PRKG1: variants seen among roughly 807,000 people sequenced by gnomAD.
PRKG1 encodes protein kinase cGMP-dependent 1, also known as cGMP-dependent protein kinase 1.
A neutral mutation model predicts 88.1 loss-of-function variants in PRKG1; 35 were observed. That is an observed-to-expected ratio of 0.40 (90% CI 0.30 to 0.53). The LOEUF is 0.53. Ranked by LOEUF, PRKG1 falls within the 20% of genes least tolerant of loss-of-function variation. The pLI, the probability that PRKG1 is intolerant of heterozygous loss-of-function variation, is 0.59. For missense variants in PRKG1, 540 were observed against 839.8 expected (o/e 0.64, Z 4.41); for synonymous variants, 303 against 292.5 (o/e 1.04, Z -0.37).
At chr10:52,076,048 G>A (rs1450689994) in intron 7 of PRKG1, among the ~76,000 whole-genome samples, 1 of 152,090 alleles carries the variant, frequency 6.6e-6, no homozygotes, top group Admixed American at 6.6e-5. Context: ...CTTAAGAAAG[G>A]TCAGATTTTC....
At chr10:51,006,443 G>T (rs1231808331) in intron 1 of PRKG1, among the ~76,000 whole-genome samples, 1 of 152,122 alleles carries the variant, frequency 6.6e-6, no homozygotes, top group Non-Finnish European at 1.5e-5. Flanking sequence ...AGCTCTCATT[G>T]TTATCATTTA....
intron 16 of PRKG1, 98 bp downstream of exon 16, chr10:52,289,091 A>G: frequency 8.5e-7 from 1 of 1,178,158 alleles, no homozygotes; most frequent in Non-Finnish European, 1.2e-6. Flanking sequence ...ATTAGCCTAT[A>G]GGAACATCCA....
At chr10:51,308,014 A>G (rs977304296) in intron 2 of PRKG1, among the ~76,000 whole-genome samples, 2 of 152,184 alleles carry the variant, frequency 1.3e-5, no homozygotes, top group African/African-American at 4.8e-5. Context: ...AAATCAAATA[A>G]AAGTAATTTG....
intron 7 of PRKG1, among the ~76,000 whole-genome samples, chr10:52,093,358 G>A (rs1847100245): frequency 1.3e-5 from 2 of 152,060 alleles, no homozygotes; most frequent in African/African-American, 4.8e-5. Flanking sequence ...ATTTGTCAGA[G>A]AAAATAACTT....
At chr10:51,013,692 G>C (rs1414992766) in intron 1 of PRKG1, among the ~76,000 whole-genome samples, 1 of 152,042 alleles carries the variant, frequency 6.6e-6, no homozygotes, top group African/African-American at 2.4e-5. Context: ...GCCCGGCCCT[G>C]TAACACTTTT....
At chr10:51,535,881 C>T (rs1270020388) in intron 3 of PRKG1, among the ~76,000 whole-genome samples, 3 of 152,032 alleles carry the variant, frequency 2.0e-5, no homozygotes, top group Non-Finnish European at 4.4e-5. Context: ...TGACACCATG[C>T]CCAGTTAAGT....
chr10:52,061,653 T>G lies in PRKG1; in HGVS notation c.841-884T>G, dbSNP rs191209621. Among the ~76,000 whole-genome samples, 16 of 152,290 alleles carry G rather than the reference T, an allele frequency of 1.1e-4. No individual in the cohort carries two copies. In the East Asian group the frequency reaches 2.5e-3, roughly 24 times the overall value. ...TCTGTTAAAACAATTTACAACTATTTATTGAGTGCTTATTATAATTTGTGG... is the reference window on the plus strand; with the variant it reads ...TCTGTTAAAACAATTTACAACTATTGATTGAGTGCTTATTATAATTTGTGG... On this transcript the variant is annotated intron_variant, in intron 6 of 17. Transcript: ENST00000373980.
chr10:51,560,096 C>A (rs1837419186), intron 3 of PRKG1, among the ~76,000 whole-genome samples: 1 of 152,088 alleles, frequency 6.6e-6, no homozygotes, highest in South Asian at 2.1e-4. Flanking sequence ...GCTTTTTAAT[C>A]TCCCAGAGCC....
intron 1 of PRKG1, among the ~76,000 whole-genome samples, chr10:51,077,838 A>C (rs1306817377): frequency 6.6e-6 from 1 of 152,210 alleles, no homozygotes; most frequent in African/African-American, 2.4e-5. Flanking sequence ...GAGAATGTAA[A>C]ACTACTAAAC....
chr10:51,348,535 A>G (rs1353013515), intron 2 of PRKG1, among the ~76,000 whole-genome samples: 1 of 152,166 alleles, frequency 6.6e-6, no homozygotes, highest in Non-Finnish European at 1.5e-5. Context: ...CAAGCGCATT[A>G]GAGATCCCAC....
intron 5 of PRKG1, among the ~76,000 whole-genome samples, chr10:51,972,884 G>T (rs959900770): frequency 7.9e-5 from 12 of 151,960 alleles, no homozygotes; most frequent in African/African-American, 2.9e-4. Flanking sequence ...CACTTCATTG[G>T]AAATGTCAGT....
At chr10:51,732,201 G>C (rs894810859) in intron 3 of PRKG1, among the ~76,000 whole-genome samples, 1 of 151,932 alleles carries the variant, frequency 6.6e-6, no homozygotes. Flanking sequence ...CTGGGTCTAC[G>C]GGCATGAGCC....
At chr10:51,169,308 C>T (rs953770046) in intron 2 of PRKG1, among the ~76,000 whole-genome samples, 3 of 152,048 alleles carry the variant, frequency 2.0e-5, no homozygotes, top group South Asian at 2.1e-4. Context: ...TGTGAGCTAC[C>T]GATTGGATGT....
At chr10:52,159,449 A>T (rs913505489) in intron 8 of PRKG1, among the ~76,000 whole-genome samples, 1 of 151,552 alleles carries the variant, frequency 6.6e-6, no homozygotes, top group Non-Finnish European at 1.5e-5. Flanking sequence ...GAGGTTTAAA[A>T]TGTGTTTTTT....
intron 2 of PRKG1, among the ~76,000 whole-genome samples, chr10:51,360,080 T>G (rs930406073): frequency 6.6e-6 from 1 of 151,944 alleles, no homozygotes; most frequent in Non-Finnish European, 1.5e-5. Context: ...TATGGTAGTT[T>G]TATTAAAGCT....
intron 7 of PRKG1, among the ~76,000 whole-genome samples, chr10:52,122,898 T>A (rs1847852354): frequency 6.6e-6 from 1 of 152,264 alleles, no homozygotes. Context: ...TACAGGTTAC[T>A]GTCGATTCTC....
chr10:51,179,985 C>T (rs189980223), intron 2 of PRKG1, among the ~76,000 whole-genome samples: 353 of 152,260 alleles, frequency 2.3e-3, no homozygotes, highest in Non-Finnish European at 4.1e-3. Flanking sequence ...AAATGTCCAT[C>T]TTTTATTATT....
rs1842333815 is a variant in PRKG1, at chr10:52,294,165, A to G, written c.*265A>G. 3 of 356,836 alleles carry G rather than the reference A, an allele frequency of 8.4e-6. No individual in the cohort carries two copies. The highest frequency in any genetic ancestry group is 5.0e-5 in the East Asian group (1 of 20,076). The allele number at this position is 356,836 out of a possible 1,614,324, so 22.1% of individuals were successfully genotyped here. A position where few individuals can be genotyped will look rare whatever the true frequency, so the allele number is the denominator to read the frequency against. On this transcript the variant is annotated 3_prime_UTR_variant, in exon 18 of 18. Transcript: ENST00000373980. Reference sequence around the variant, plus strand: ...CTTTCACCAGTAAAAGATGTTTTCTATTGTTGCAATGACCTTGCTTTGCTC... The same window carrying G: ...CTTTCACCAGTAAAAGATGTTTTCTGTTGTTGCAATGACCTTGCTTTGCTC...
Position 52,175,684 on chromosome 10 carries a change from T to A in PRKG1, c.1076+13721T>A, listed in dbSNP as rs144810617. On this transcript the variant is annotated intron_variant, in intron 9 of 17. Coordinates refer to ENST00000373980, the MANE Select transcript of PRKG1 (RefSeq NM_006258.4). ...TATTTTTTGTCTTTTTGATAAAAGC[T>A]ATTCTAACTGGAGTAAAAAGATACC... Among the ~76,000 whole-genome samples, 44 of 152,200 alleles carry A rather than the reference T, an allele frequency of 2.9e-4. 1 individual carries two copies. In the East Asian group the frequency reaches 8.3e-3, roughly 29 times the overall value.
Sources: gnomAD v4.1 joint callset for allele counts (sites outside exome capture counted in the v4.1 genomes callset) on GRCh38, gnomAD v4.1.1 for gene constraint, MANE v1.5 for transcripts, NCBI Gene and HGNC (gene_info 2026-07-23, HGNC 2026-07-21) for gene names.